Variants in SH3D19 observed in about 807,000 individuals in gnomAD.
SH3D19 encodes the protein SH3 domain containing 19.
A neutral mutation model predicts 112.1 loss-of-function variants in SH3D19; 58 were observed. The ratio of observed to expected loss-of-function variants is 0.52; its 90% CI spans 0.42 to 0.64. The LOEUF is 0.64. Among genes scored for constraint, SH3D19 ranks in the 30% least tolerant of loss-of-function variants. The pLI, the probability that SH3D19 is intolerant of heterozygous loss-of-function variation, is 0.00. For synonymous variants in SH3D19, 391 were observed against 448.5 expected (o/e 0.87, Z 1.62); for missense variants, 1,090 against 1,263.4 (o/e 0.86, Z 2.08).
At chr4:151,139,680 T>C in intron 13 of SH3D19, 95 bp downstream of exon 13, 5 of 1,082,832 alleles carry the variant, frequency 4.6e-6, no homozygotes, top group Middle Eastern at 2.6e-4. Context: ...CACAGAAAAA[T>C]GAAGAAGGAT....
At chr4:151,185,279 G>C (rs576815383) in intron 3 of SH3D19, among the ~76,000 whole-genome samples, 22 of 152,038 alleles carry the variant, frequency 1.4e-4, no homozygotes, top group African/African-American at 5.1e-4. Flanking sequence ...GCAGGGCTGG[G>C]TTCATTGGGT....
intron 1 of SH3D19, among the ~76,000 whole-genome samples, chr4:151,243,147 C>T (rs182038198): frequency 3.9e-4 from 59 of 152,242 alleles, no homozygotes; most frequent in African/African-American, 1.2e-3. Context: ...AAAAGAAAGA[C>T]CTATCCCTGG....
intron 1 of SH3D19, among the ~76,000 whole-genome samples, chr4:151,322,486 G>T (rs1580489086): frequency 9.0e-6 from 1 of 110,622 alleles, no homozygotes. Context: ...GTACTTGATT[G>T]CCTATAATTC....
At chr4:151,298,464 C>T (rs1435022306) in intron 1 of SH3D19, among the ~76,000 whole-genome samples, 1 of 152,108 alleles carries the variant, frequency 6.6e-6, no homozygotes, top group African/African-American at 2.4e-5. Context: ...GCGTGAGCCA[C>T]CGCGCCCAGC....
chr4:151,162,735 C>T (rs1000898837), intron 8 of SH3D19, among the ~76,000 whole-genome samples: 9 of 151,746 alleles, frequency 5.9e-5, no homozygotes, highest in Admixed American at 1.3e-4. Context: ...CCACCATGCC[C>T]GGCTTATTTT....
intron 9 of SH3D19, among the ~76,000 whole-genome samples, chr4:151,155,998 C>A (rs1350548892): frequency 6.6e-6 from 1 of 151,968 alleles, no homozygotes; most frequent in African/African-American, 2.4e-5. Context: ...AATTAATATA[C>A]AAATATCAGT....
At chr4:151,127,583 G>T in intron 19 of SH3D19, 35 bp downstream of exon 19, 1 of 1,273,464 alleles carries the variant, frequency 7.9e-7, no homozygotes, top group Non-Finnish European at 1.1e-6. Flanking sequence ...AAATTATAGT[G>T]CTTAATGCAG....
chr4:151,305,617 C>T (rs6535786), intron 1 of SH3D19, among the ~76,000 whole-genome samples: 86,168 of 152,058 alleles, frequency 0.57, 25,236 homozygotes, highest in African/African-American at 0.72. Flanking sequence ...AATATCACTA[C>T]ACCTCTATTA....
intron 1 of SH3D19, among the ~76,000 whole-genome samples, chr4:151,244,960 C>T (rs771382059): frequency 1.1e-4 from 16 of 152,024 alleles, no homozygotes; most frequent in Admixed American, 3.9e-4. Flanking sequence ...CTGGCTAACA[C>T]GGTGAAATCT....
chr4:151,139,698 A>G, intron 13 of SH3D19, 77 bp downstream of exon 13: 1 of 1,311,054 alleles, frequency 7.6e-7, no homozygotes, highest in South Asian at 1.2e-5. Context: ...GATGTCCTTG[A>G]GAGGCTAACC....
At chr4:151,132,880 A>C (rs1337083045) in intron 16 of SH3D19, among the ~76,000 whole-genome samples, 154 bp downstream of exon 16, 1 of 152,208 alleles carries the variant, frequency 6.6e-6, no homozygotes, top group East Asian at 1.9e-4. Context: ...CCCACAAATA[A>C]TGTCTATCCC....
chr4:151,128,161 T>C lies in SH3D19; in HGVS notation c.2929+9A>G, dbSNP rs773162802. 7 of 1,585,452 alleles carry C rather than the reference T, an allele frequency of 4.4e-6. No homozygotes were observed. In the Admixed American group the frequency reaches 1.1e-4, roughly 25 times the overall value. On this transcript the variant is annotated intron_variant, in intron 18 of 19. Coordinates refer to ENST00000604030, the MANE Select transcript of SH3D19 (RefSeq NM_001378122.1). Reference sequence around the variant, plus strand: ...GAGGAGTCGCATTCATGTCTTGCGGTTGTCATACCTGGGCAGGGCCTCACA... The same window carrying C: ...GAGGAGTCGCATTCATGTCTTGCGGCTGTCATACCTGGGCAGGGCCTCACA...
At chr4:151,286,718 A>AC (rs1774826138) in intron 1 of SH3D19, among the ~76,000 whole-genome samples, 1 of 151,742 alleles carries the variant, frequency 6.6e-6, no homozygotes, top group Non-Finnish European at 1.5e-5. Flanking sequence ...AGTGGCTCAT[A>AC]CCTGTAACCC....
intron 1 of SH3D19, chr4:151,291,403 A>G: frequency 3.7e-6 from 6 of 1,614,000 alleles, no homozygotes; most frequent in South Asian, 1.1e-5. Flanking sequence ...TGTTGCTTGC[A>G]TACAGGGCTG....
rs1306466980 is a variant in SH3D19, at chr4:151,125,908, ATATAT to A, written c.3027+1705_3027+1709del. Among the ~76,000 whole-genome samples the A allele has an allele frequency of 2.8e-5, 4 of 144,312 alleles. No homozygotes were observed. The Admixed American group carries it at 2.9e-4, about 11-fold the overall frequency. 94.7% of individuals were successfully genotyped at this position (144,312 alleles called of 152,430 possible). ...AAGAAATATCTATTATTTGCTAACA[ATATAT>A]TATAACAGAAATGACATTTAATACA... On this transcript the variant is annotated intron_variant, in intron 19 of 19. Transcript: ENST00000604030.
At chr4:151,228,918 A>G (rs139843163) in intron 1 of SH3D19, among the ~76,000 whole-genome samples, 1 of 151,912 alleles carries the variant, frequency 6.6e-6, no homozygotes, top group Admixed American at 6.6e-5. Flanking sequence ...GCAGTGGTGC[A>G]ATCACAGCTC....
intron 2 of SH3D19, among the ~76,000 whole-genome samples, chr4:151,195,392 A>AAAAG (rs1554050648): frequency 2.6e-3 from 363 of 139,640 alleles, no homozygotes; most frequent in African/African-American, 9.6e-3. Context: ...AAAAAAAAAA[A>AAAAG]AAAAAGAAAA....
intron 8 of SH3D19, among the ~76,000 whole-genome samples, chr4:151,160,685 T>TC (rs934575305): frequency 1.5e-3 from 8 of 5,500 alleles, no homozygotes; most frequent in African/African-American, 1.8e-3. Context: ...TTTCTCTCTC[T>TC]TTTTTTTTTT....
chr4:151,325,148 C>G, intron 1 of SH3D19, 93 bp downstream of exon 1: 1 of 619,922 alleles, frequency 1.6e-6, no homozygotes, highest in East Asian at 3.8e-5. Flanking sequence ...CATCCCGGCG[C>G]GTGAAGGAGC....
Sources: gnomAD v4.1 joint callset for allele counts (sites outside exome capture counted in the v4.1 genomes callset) on GRCh38, gnomAD v4.1.1 for gene constraint, MANE v1.5 for transcripts, NCBI Gene and HGNC (gene_info 2026-07-23, HGNC 2026-07-21) for gene names.